Variants in WDR7 observed in about 807,000 individuals in gnomAD.
The protein encoded by WDR7 is WD repeat domain 7.
Under a neutral mutation model 169.4 loss-of-function variants are expected in WDR7, and 46 were observed. The observed-to-expected ratio is 0.27, with a 90% CI of 0.21 to 0.35. WDR7 has a LOEUF of 0.35. WDR7 is among the 10% of genes least tolerant of loss of function. The probability of loss-of-function intolerance (pLI) is 1.00; values close to 1 mark genes in which losing one functional copy is unlikely to be tolerated. For missense variants in WDR7, 1,534 were observed against 1,859.3 expected (o/e 0.83, Z 3.22); for synonymous variants, 612 against 666.8 (o/e 0.92, Z 1.27).
At chr18:56,701,949 A>G (rs2025843468) in intron 12 of WDR7, among the ~76,000 whole-genome samples, 1 of 152,172 alleles carries the variant, frequency 6.6e-6, no homozygotes. Flanking sequence ...TATTCTGACA[A>G]CTACAAAATT....
chr18:56,740,508 T>A (rs1482347674), intron 14 of WDR7, among the ~76,000 whole-genome samples: 1 of 152,154 alleles, frequency 6.6e-6, no homozygotes, highest in Admixed American at 6.5e-5. Flanking sequence ...GTTCAAATGA[T>A]ATCCTCTTCT....
At chr18:56,992,602 G>T (rs772210658) in intron 26 of WDR7, among the ~76,000 whole-genome samples, 8 of 152,134 alleles carry the variant, frequency 5.3e-5, no homozygotes, top group Admixed American at 2.0e-4. Flanking sequence ...TAACATTAGG[G>T]CCACACGGAA....
rs949907538 is a variant in WDR7 at position 56,695,046 on chromosome 18, A to G, written c.1205A>G (p.Asn402Ser). The change falls in exon 11 of 28, where the codon AAT becomes AGT. Residue 402 changes from asparagine (N) to serine (S), a missense_variant. Asn to Ser is a conservative substitution (Grantham distance 46, BLOSUM62 1). Transcript: ENST00000254442. ...GIIDQLSVIP[N>S]SNEPLKVTAS... is the part of the protein sequence containing the mutation. ...ATAGATCAGCTGAGTGTGATTCCCA[A>G]TAGTAATGAACCTCTTAAAGTAACT... The G allele has an allele frequency of 1.2e-6, 2 of 1,614,176 alleles. No homozygotes were observed. Among genetic ancestry groups the G allele is most frequent in the South Asian group, 1.1e-5 (1 of 91,078 alleles).
intron 20 of WDR7, among the ~76,000 whole-genome samples, chr18:56,876,983 G>A (rs1330727335): frequency 6.6e-6 from 1 of 152,018 alleles, no homozygotes; most frequent in African/African-American, 2.4e-5. Context: ...AGGAGTACAA[G>A]ACCACCTTGG....
At chr18:56,943,774 A>G (rs572331286) in intron 25 of WDR7, among the ~76,000 whole-genome samples, 1 of 152,108 alleles carries the variant, frequency 6.6e-6, no homozygotes, top group Non-Finnish European at 1.5e-5. Flanking sequence ...TAACTAATAT[A>G]GTATCCTGAA....
chr18:56,799,694 G>A (rs2044641390), intron 19 of WDR7, among the ~76,000 whole-genome samples: 1 of 152,048 alleles, frequency 6.6e-6, no homozygotes, highest in Non-Finnish European at 1.5e-5. Flanking sequence ...ATAACATGTG[G>A]GTGTATATTT....
intron 13 of WDR7, among the ~76,000 whole-genome samples, chr18:56,730,783 A>AAAAT (rs953655621): frequency 6.6e-6 from 1 of 152,100 alleles, no homozygotes; most frequent in African/African-American, 2.4e-5. Context: ...TAAAAAATAA[A>AAAAT]AAATAAATAA....
intron 16 of WDR7, 64 bp downstream of exon 16, chr18:56,759,017 G>A: frequency 6.9e-6 from 9 of 1,313,658 alleles, no homozygotes; most frequent in Non-Finnish European, 9.7e-6. Context: ...AGGAGGCATA[G>A]CTAATGTATA....
chr18:57,017,168 T>C (rs1476547562), intron 26 of WDR7, among the ~76,000 whole-genome samples: 1 of 152,168 alleles, frequency 6.6e-6, no homozygotes, highest in Non-Finnish European at 1.5e-5. Context: ...GTTCAGAGAA[T>C]CTGAACAAAA....
intron 21 of WDR7, among the ~76,000 whole-genome samples, chr18:56,920,240 T>C (rs1302300063): frequency 6.6e-6 from 1 of 152,146 alleles, no homozygotes; most frequent in Non-Finnish European, 1.5e-5. Flanking sequence ...CCTACTTATT[T>C]TTAAGGTTGT....
At chr18:56,784,462 A>G (rs1278125537) in intron 19 of WDR7, among the ~76,000 whole-genome samples, 2 of 152,068 alleles carry the variant, frequency 1.3e-5, no homozygotes, top group Non-Finnish European at 2.9e-5. Context: ...TCCATAATCC[A>G]TTATATCACT....
chr18:56,879,179 A>G (rs752759233), intron 20 of WDR7, among the ~76,000 whole-genome samples: 5 of 152,158 alleles, frequency 3.3e-5, no homozygotes, highest in African/African-American at 4.8e-5. Context: ...CCCTATGTCT[A>G]ACTTGTTGAG....
At chr18:56,844,020 G>A (rs1322830467) in intron 20 of WDR7, among the ~76,000 whole-genome samples, 3 of 151,648 alleles carry the variant, frequency 2.0e-5, no homozygotes, top group Non-Finnish European at 4.4e-5. Context: ...ACACCACCAC[G>A]CCTGGCTAAT....
At chr18:56,843,585 A>G (rs2045519580) in intron 20 of WDR7, among the ~76,000 whole-genome samples, 1 of 152,214 alleles carries the variant, frequency 6.6e-6, no homozygotes, top group Non-Finnish European at 1.5e-5. Context: ...GTCATTCTAC[A>G]GACACTTGGG....
intron 26 of WDR7, among the ~76,000 whole-genome samples, chr18:56,984,423 T>C (rs1015192120): frequency 2.6e-5 from 4 of 152,196 alleles, no homozygotes; most frequent in Middle Eastern, 3.2e-3. Context: ...TCAAATATAA[T>C]TCACACTTTC....
intron 20 of WDR7, among the ~76,000 whole-genome samples, chr18:56,855,247 C>G (rs1374393656): frequency 1.3e-5 from 2 of 151,614 alleles, no homozygotes; most frequent in East Asian, 3.9e-4. Context: ...TTTTTTTCCC[C>G]CCATTGGATG....
intron 12 of WDR7, among the ~76,000 whole-genome samples, chr18:56,710,792 G>A (rs1165950597): frequency 6.6e-6 from 1 of 152,130 alleles, no homozygotes; most frequent in Non-Finnish European, 1.5e-5. Flanking sequence ...CTTTAAAAAT[G>A]GAAATAATAG....
At chr18:56,699,038 T>C (rs926639200) in intron 12 of WDR7, among the ~76,000 whole-genome samples, 1 of 152,066 alleles carries the variant, frequency 6.6e-6, no homozygotes, top group Non-Finnish European at 1.5e-5. Context: ...AAAGTTAAAT[T>C]TTAAAAAATT....
chr18:57,031,944 A>G (rs776896385), downstream of WDR7: 3 of 152,242 alleles, frequency 2.0e-5, no homozygotes, highest in South Asian at 2.1e-4. Context: ...TTCTTTGGAA[A>G]ACTTGGATTT....
Sources: allele counts gnomAD v4.1 joint callset (sites outside exome capture counted in the v4.1 genomes callset), GRCh38; gene constraint gnomAD v4.1.1; transcripts MANE v1.5; gene names NCBI Gene and HGNC (gene_info 2026-07-23, HGNC 2026-07-21).